Variants in PAPOLG observed in about 807,000 individuals in gnomAD.
The protein encoded by PAPOLG is poly(A) polymerase gamma, also known as PAP-gamma.
A neutral mutation model predicts 99.0 loss-of-function variants in PAPOLG; 40 were observed. The ratio of observed to expected loss-of-function variants is 0.40; its 90% CI spans 0.31 to 0.53. The LOEUF is 0.53. Ranked by LOEUF, PAPOLG falls within the 20% of genes least tolerant of loss-of-function variation. PAPOLG has a pLI of 0.41. For missense variants in PAPOLG, 675 were observed against 884.1 expected (o/e 0.76, Z 3.00); for synonymous variants, 310 against 299.3 (o/e 1.04, Z -0.37).
intron 5 of PAPOLG, among the ~76,000 whole-genome samples, chr2:60,769,145 T>C (rs776477686): frequency 1.7e-4 from 26 of 152,308 alleles, no homozygotes; most frequent in Middle Eastern, 3.4e-3. Flanking sequence ...TCTGAGCCTG[T>C]TTCCTGATCT....
At chr2:60,765,981 C>T (rs552888138) in intron 3 of PAPOLG, among the ~76,000 whole-genome samples, 1 of 152,090 alleles carries the variant, frequency 6.6e-6, no homozygotes, top group African/African-American at 2.4e-5. Flanking sequence ...TAACTTCTTT[C>T]TAGCTATAAA....
chr2:60,781,282 C>A (rs1335950447), intron 10 of PAPOLG, among the ~76,000 whole-genome samples: 1 of 151,818 alleles, frequency 6.6e-6, no homozygotes, highest in African/African-American at 2.4e-5. Context: ...ACCTGAACCC[C>A]AGAGGCACAG....
intron 3 of PAPOLG, among the ~76,000 whole-genome samples, chr2:60,764,920 G>C (rs1009881526): frequency 3.9e-5 from 6 of 152,052 alleles, no homozygotes; most frequent in African/African-American, 7.2e-5. Context: ...AACTCACCAG[G>C]GTTATCAATA....
Position 60,794,137 on chromosome 2 carries a change from A to G in PAPOLG, c.1935A>G (p.Arg645=), listed in dbSNP as rs1386205869. ...TAACTAAGACTGTTACACCTAAGAG[A>G]TCCCATTCCCCATCCATAGATGGGA... ...SNITKTVTPK[R]SHSPSIDGTP... The change falls in exon 19 of 22, where the codon AGA becomes AGG. Residue 645 remains arginine (R), a synonymous_variant. Coordinates refer to ENST00000238714, the MANE Select transcript of PAPOLG (RefSeq NM_022894.4). 2.5e-6 allele frequency: 4 copies of G among 1,613,708 alleles called. No individual in the cohort carries two copies. Among genetic ancestry groups the G allele is most frequent in the Non-Finnish European group, 3.4e-6 (4 of 1,179,734 alleles).
chr2:60,780,681 A>T (rs1322530696), intron 9 of PAPOLG, 26 bp from the exon 10 acceptor site: 1 of 1,610,794 alleles, frequency 6.2e-7, no homozygotes, highest in South Asian at 1.1e-5. Context: ...GATCATGTGT[A>T]AGTTAATTTG....
intron 3 of PAPOLG, among the ~76,000 whole-genome samples, chr2:60,762,861 A>G (rs1189133165): frequency 6.6e-6 from 1 of 151,916 alleles, no homozygotes; most frequent in Non-Finnish European, 1.5e-5. Flanking sequence ...TCCTGATCTC[A>G]GGTGATCCGC....
rs140348314 is a variant in PAPOLG, at chr2:60,780,885, T to C, written c.906+106T>C. On this transcript the variant is annotated intron_variant, in intron 10 of 21. Transcript: ENST00000238714. ...TTCCTCTTGTCTCTGTTCTTCCTTC[T>C]ATATAACTATAGTCCCCTTCCTCCT... is the stretch of plus-strand genomic sequence containing the variant. The C allele has an allele frequency of 1.1e-4, 99 of 915,626 alleles. No homozygotes were observed. The East Asian group carries it at 2.3e-3, about 21-fold the overall frequency. 56.7% of individuals were successfully genotyped at this position (915,626 alleles called of 1,614,324 possible).
At chr2:60,792,761 C>A (rs1671578701) in intron 17 of PAPOLG, among the ~76,000 whole-genome samples, 1 of 152,068 alleles carries the variant, frequency 6.6e-6, no homozygotes, top group South Asian at 2.1e-4. Context: ...ATTGGCCGGG[C>A]ACAGTTGCTC....
chr2:60,794,338 C>T, intron 19 of PAPOLG, 147 bp downstream of exon 19: 1 of 844,186 alleles, frequency 1.2e-6, no homozygotes, highest in East Asian at 2.7e-5. Context: ...ATATTAATTG[C>T]TCATCCTAAA....
At chr2:60,787,132 G>C (rs1671387182) in intron 14 of PAPOLG, 66 bp downstream of exon 14, 11 of 1,328,396 alleles carry the variant, frequency 8.3e-6, no homozygotes, top group African/African-American at 1.5e-5. Context: ...CATCATTTCA[G>C]AGTAATTGTG....
At chr2:60,768,927 AT>A in intron 5 of PAPOLG, 37 bp downstream of exon 5, 1 of 1,434,862 alleles carries the variant, frequency 7.0e-7, no homozygotes, top group Non-Finnish European at 9.5e-7. Context: ...TTGAATTTAG[AT>A]TAGTAACAAA....
chr2:60,794,526 C>A, intron 19 of PAPOLG, 184 bp from the exon 20 acceptor site: 1 of 614,646 alleles, frequency 1.6e-6, no homozygotes, highest in Non-Finnish European at 2.8e-6. Context: ...AAAAGATCAC[C>A]CAAACTGTAG....
rs758456097 is a variant in PAPOLG at position 60,768,797 on chromosome 2, A to C, written c.345A>C (p.Ala115=). 6.3e-7 allele frequency: 1 copy of C among 1,579,116 alleles called. No individual in the cohort carries two copies. Among genetic ancestry groups the C allele is most frequent in the Admixed American group, 1.8e-5 (1 of 54,232 alleles). ...GVHTKGADID[A]LCVAPRHVER... Reference sequence around the variant, plus strand: ...AATTTACAGGAGCTGACATTGATGCACTTTGTGTAGCTCCAAGACATGTGG... The same window carrying C: ...AATTTACAGGAGCTGACATTGATGCCCTTTGTGTAGCTCCAAGACATGTGG... The change falls in exon 5 of 22, where the codon GCA becomes GCC. Residue 115 remains alanine (A), a synonymous_variant. Coordinates refer to ENST00000238714, the MANE Select transcript of PAPOLG (RefSeq NM_022894.4).
intron 7 of PAPOLG, among the ~76,000 whole-genome samples, chr2:60,773,138 G>C (rs1354841030): frequency 2.0e-5 from 3 of 152,068 alleles, no homozygotes; most frequent in Non-Finnish European, 2.9e-5. Context: ...TGTTGGTCAG[G>C]CTGGCCTCAA....
At chr2:60,772,317 C>T (rs2103780915) in intron 7 of PAPOLG, among the ~76,000 whole-genome samples, 1 of 152,000 alleles carries the variant, frequency 6.6e-6, no homozygotes, top group African/African-American at 2.4e-5. Flanking sequence ...TGTAGTGGCA[C>T]TCGCCTGTAG....
At chr2:60,764,781 G>A (rs1256316814) in intron 3 of PAPOLG, among the ~76,000 whole-genome samples, 1 of 152,098 alleles carries the variant, frequency 6.6e-6, no homozygotes, top group Non-Finnish European at 1.5e-5. Context: ...TGATGAATAT[G>A]TAGAATTGGT....
At chr2:60,772,160 C>G (rs1670872074) in intron 7 of PAPOLG, among the ~76,000 whole-genome samples, 1 of 152,000 alleles carries the variant, frequency 6.6e-6, no homozygotes, top group South Asian at 2.1e-4. Flanking sequence ...AGAATAAAAT[C>G]TGGCCGGGCG....
chr2:60,773,238 A>G (rs1329303866), intron 7 of PAPOLG, among the ~76,000 whole-genome samples: 1 of 152,154 alleles, frequency 6.6e-6, no homozygotes, highest in Non-Finnish European at 1.5e-5. Flanking sequence ...ACTGGTCTTT[A>G]GTACACTACA....
At chr2:60,762,991 C>T (rs1204368319) in intron 3 of PAPOLG, among the ~76,000 whole-genome samples, 1 of 151,522 alleles carries the variant, frequency 6.6e-6, no homozygotes, top group Non-Finnish European at 1.5e-5. Context: ...GTCACCCAGG[C>T]TATAGTGCAG....
Sources: gnomAD v4.1 joint callset for allele counts (sites outside exome capture counted in the v4.1 genomes callset) on GRCh38, gnomAD v4.1.1 for gene constraint, MANE v1.5 for transcripts, NCBI Gene and HGNC (gene_info 2026-07-23, HGNC 2026-07-21) for gene names.